The following TMCC1 variants were observed in gnomAD, a reference collection of about 807,000 sequenced individuals.
TMCC1 encodes the protein transmembrane and coiled-coil domains protein 1.
Under a neutral mutation model 52.4 loss-of-function variants are expected in TMCC1, and 15 were observed. That is an observed-to-expected ratio of 0.29 (90% CI 0.19 to 0.44). The LOEUF (loss-of-function observed/expected upper bound fraction) is 0.44, where lower values mean the gene tolerates loss of function less well. TMCC1 is among the 20% of genes least tolerant of loss of function. TMCC1 has a pLI of 1.00. For synonymous variants in TMCC1, 279 were observed against 301.9 expected (o/e 0.92, Z 0.79); for missense variants, 503 against 806.0 (o/e 0.62, Z 4.55).
chr3:129,746,262 C>A (rs534918728), intron 4 of TMCC1, among the ~76,000 whole-genome samples: 1 of 152,230 alleles, frequency 6.6e-6, no homozygotes, highest in Admixed American at 6.5e-5. Flanking sequence ...CCTCCACCCC[C>A]CAGCTTCAAG....
At chr3:129,729,915 T>C (rs923977129) in intron 4 of TMCC1, among the ~76,000 whole-genome samples, 1 of 152,124 alleles carries the variant, frequency 6.6e-6, no homozygotes, top group Admixed American at 6.6e-5. Flanking sequence ...GAGGAATAAT[T>C]GAGCCCAGGA....
intron 4 of TMCC1, among the ~76,000 whole-genome samples, chr3:129,761,083 T>C (rs1347905382): frequency 1.3e-5 from 2 of 151,408 alleles, no homozygotes; most frequent in Non-Finnish European, 2.9e-5. Context: ...CCCAGCACTT[T>C]GGGAGGTCGA....
chr3:129,835,328 C>CATATAT (rs3993144), intron 2 of TMCC1, among the ~76,000 whole-genome samples: 23 of 148,708 alleles, frequency 1.5e-4, no homozygotes, highest in African/African-American at 4.7e-4. Flanking sequence ...CTCACTCTTT[C>CATATAT]ATATATATAT....
Position 129,649,013 on chromosome 3 carries a change from T to C in TMCC1, c.*2468A>G, listed in dbSNP as rs2086176873. Reference sequence around the variant, plus strand: ...GAGAAAGGAAGATAGAAAGTCAGCATGGGACTATTTGGCTGGAGGCAGGGG... The same window carrying C: ...GAGAAAGGAAGATAGAAAGTCAGCACGGGACTATTTGGCTGGAGGCAGGGG... On this transcript the variant is annotated 3_prime_UTR_variant, in exon 7 of 7. Transcript: ENST00000393238. 1 of 152,238 alleles carries C rather than the reference T, an allele frequency of 6.6e-6. No homozygotes were observed. Among genetic ancestry groups the C allele is most frequent in the Non-Finnish European group, 1.5e-5 (1 of 68,054 alleles). 9.4% of individuals were successfully genotyped at this position (152,238 alleles called of 1,614,324 possible).
chr3:129,856,761 AAACATGT>A (rs1255616591), intron 2 of TMCC1, among the ~76,000 whole-genome samples: 1 of 152,214 alleles, frequency 6.6e-6, no homozygotes, highest in East Asian at 1.9e-4. Flanking sequence ...TAAATTAGCA[AAACATGT>A]AGATGAGGTA....
intron 4 of TMCC1, among the ~76,000 whole-genome samples, chr3:129,766,529 T>C (rs560157449): frequency 6.6e-6 from 1 of 152,330 alleles, no homozygotes; most frequent in Non-Finnish European, 1.5e-5. Context: ...TGATAAGCAA[T>C]TAACAAATGT....
intron 4 of TMCC1, among the ~76,000 whole-genome samples, chr3:129,798,455 AAC>A (rs2056985709): frequency 6.6e-6 from 1 of 151,522 alleles, no homozygotes; most frequent in South Asian, 2.1e-4. Context: ...CACTGTCTTA[AAC>A]ACACAGTGTT....
chr3:129,694,514 G>C lies in TMCC1; in HGVS notation c.577-23250C>G, dbSNP rs551152656. 7.2e-5 allele frequency among the ~76,000 whole-genome samples: 11 copies of C among 152,340 alleles called. No individual in the cohort carries two copies. In the South Asian group the frequency reaches 2.3e-3, roughly 32 times the overall value. On this transcript the variant is annotated intron_variant, in intron 4 of 6. Transcript: ENST00000393238. Reference sequence around the variant, plus strand: ...TCAGGTATTCTTAGTCACAAGATGAGATAGGAGGTCACCATGAGATACAGG... The same window carrying C: ...TCAGGTATTCTTAGTCACAAGATGACATAGGAGGTCACCATGAGATACAGG...
chr3:129,757,939 G>T (rs2053166083), intron 4 of TMCC1, among the ~76,000 whole-genome samples: 1 of 152,086 alleles, frequency 6.6e-6, no homozygotes, highest in African/African-American at 2.4e-5. Flanking sequence ...AAACTTTGAT[G>T]TATGTGAACT....
intron 4 of TMCC1, among the ~76,000 whole-genome samples, chr3:129,763,204 TAAA>T (rs1177489452): frequency 1.9e-5 from 2 of 106,964 alleles, no homozygotes; most frequent in Non-Finnish European, 3.6e-5. Context: ...TCTCAAAAAA[TAAA>T]AAATAAATAA....
chr3:129,712,581 G>A (rs1475573145), intron 4 of TMCC1, among the ~76,000 whole-genome samples: 3 of 152,028 alleles, frequency 2.0e-5, no homozygotes, highest in Admixed American at 6.6e-5. Flanking sequence ...CCGAGGAGCT[G>A]GAACTACAGG....
chr3:129,660,291 G>A (rs1473292098), intron 5 of TMCC1, among the ~76,000 whole-genome samples: 1 of 152,014 alleles, frequency 6.6e-6, no homozygotes, highest in Non-Finnish European at 1.5e-5. Flanking sequence ...GGGACTACAG[G>A]CATGTGCCAC....
chr3:129,845,877 AT>A (rs1419499321), intron 2 of TMCC1, among the ~76,000 whole-genome samples: 1 of 152,030 alleles, frequency 6.6e-6, no homozygotes, highest in African/African-American at 2.4e-5. Context: ...ACAAAAAAAA[AT>A]TTTTAAGTGG....
chr3:129,734,963 C>A (rs1004494854), intron 4 of TMCC1, among the ~76,000 whole-genome samples: 1 of 149,900 alleles, frequency 6.7e-6, no homozygotes, highest in African/African-American at 2.5e-5. Context: ...AGTGCAGTGG[C>A]GTGATCTCGG....
chr3:129,764,773 A>G (rs1333119947), intron 4 of TMCC1, among the ~76,000 whole-genome samples: 3,726 of 54,308 alleles, frequency 0.069, 276 homozygotes, highest in African/African-American at 0.19. Flanking sequence ...ATATATATAT[A>G]TATATATATA....
intron 2 of TMCC1, among the ~76,000 whole-genome samples, chr3:129,879,716 A>G (rs1260006364): frequency 6.6e-6 from 1 of 152,214 alleles, no homozygotes; most frequent in Non-Finnish European, 1.5e-5. Context: ...TCAAAACTCT[A>G]CAATATCACA....
At chr3:129,688,092 T>C (rs1020299592) in intron 4 of TMCC1, 9 of 959,728 alleles carry the variant, frequency 9.4e-6, no homozygotes, top group Non-Finnish European at 1.1e-5. Context: ...TGCAAAATGT[T>C]TTAGTTATTG....
chr3:129,697,561 AAATTTCTGCAGCAGGCTTC>A (rs1401582924), intron 4 of TMCC1, among the ~76,000 whole-genome samples: 1 of 152,174 alleles, frequency 6.6e-6, no homozygotes, highest in Non-Finnish European at 1.5e-5. Flanking sequence ...TTACTTATGC[AAATTTCTGCAGCAGGCTTC>A]AATTTCTCAG....
chr3:129,768,428 G>A (rs981141965), intron 4 of TMCC1, among the ~76,000 whole-genome samples: 1 of 152,128 alleles, frequency 6.6e-6, no homozygotes, highest in African/African-American at 2.4e-5. Context: ...AGTTTAGTGA[G>A]AAGTACCTAG....
Sources: allele counts gnomAD v4.1 joint callset (sites outside exome capture counted in the v4.1 genomes callset), GRCh38; gene constraint gnomAD v4.1.1; transcripts MANE v1.5; gene names NCBI Gene and HGNC (gene_info 2026-07-23, HGNC 2026-07-21).